Variants in SGSM3 observed in about 807,000 individuals in gnomAD.
SGSM3 encodes small G protein signaling modulator 3.
In SGSM3, 96 loss-of-function variants were observed where a neutral mutation model predicts 100.5. That is an observed-to-expected ratio of 0.96 (90% CI 0.81 to 1.13). The LOEUF is 1.13. Among genes scored for constraint, SGSM3 ranks in the 50% most tolerant of loss-of-function variants. The pLI, the probability that SGSM3 is intolerant of heterozygous loss-of-function variation, is 0.00. For missense variants in SGSM3, 1,001 were observed against 1,015.8 expected, an observed-to-expected ratio of 0.99 and a Z score of 0.20; for synonymous variants, 483 against 422.8, an observed-to-expected ratio of 1.14 and a Z score of -1.75.
intron 1 of SGSM3, among the ~76,000 whole-genome samples, chr22:40,373,856 C>T (rs530435941): frequency 4.6e-5 from 7 of 152,256 alleles, no homozygotes; most frequent in South Asian, 2.1e-4. Flanking sequence ...CCTCGTGATC[C>T]GCCCTCCTAG....
chr22:40,402,434 A>T lies in SGSM3; in HGVS notation c.157+229A>T, dbSNP rs141042926. 7.2e-5 allele frequency among the ~76,000 whole-genome samples: 11 copies of T among 152,238 alleles called. No individual in the cohort carries two copies. In the East Asian group the frequency reaches 2.1e-3, roughly 29 times the overall value. On this transcript the variant is annotated intron_variant, in intron 4 of 21. Coordinates refer to ENST00000248929, the MANE Select transcript of SGSM3 (RefSeq NM_015705.6). ...CCTGACAGTAAAAGCAATCGTGTTC[A>T]CTGTAGAGAAGTTGAAAAATTCAGG... is the stretch of plus-strand genomic sequence containing the variant.
Position 40,407,839 on chromosome 22 carries a change from G to T in SGSM3, c.1575G>T (p.Leu525=). 2.5e-6 allele frequency: 4 copies of T among 1,611,932 alleles called. No individual in the cohort carries two copies. The highest frequency in any genetic ancestry group is 3.4e-6 in the Non-Finnish European group (4 of 1,178,928). The change falls in exon 14 of 22, where the codon CTG becomes CTT. Residue 525 remains leucine, a synonymous_variant. Coordinates refer to ENST00000248929, the MANE Select transcript of SGSM3 (RefSeq NM_015705.6). This position sits in a 1 kb window ranked among gnomAD's most constrained non-coding sequence, Gnocchi z 4.7. ...GCTGGGTGGGGGAGCTCAACGGCCT[G>T]CGAGGTGGGGTCCTTGGTCTGCTCT... The part of the protein sequence containing the change: ...EHCWVGELNG[L]RGWFPAKFVE...
intron 1 of SGSM3, among the ~76,000 whole-genome samples, chr22:40,384,064 G>C (rs970943576): frequency 6.6e-6 from 1 of 152,088 alleles, no homozygotes; most frequent in Non-Finnish European, 1.5e-5. Flanking sequence ...TCCTGGGCAA[G>C]ATAGTAGGAC....
intron 1 of SGSM3, among the ~76,000 whole-genome samples, chr22:40,390,744 G>C (rs1055914576): frequency 1.3e-5 from 2 of 152,216 alleles, no homozygotes; most frequent in Non-Finnish European, 2.9e-5. Context: ...TAAAGGCAGA[G>C]AGAGTATCAA....
chr22:40,372,475 G>C (rs2045776711), intron 1 of SGSM3, among the ~76,000 whole-genome samples: 1 of 152,156 alleles, frequency 6.6e-6, no homozygotes, highest in Non-Finnish European at 1.5e-5. Flanking sequence ...AGGGGAGAGG[G>C]TGAGGTGTCT....
At chr22:40,405,928 C>G in intron 8 of SGSM3, 84 bp downstream of exon 8, 1 of 1,490,664 alleles carries the variant, frequency 6.7e-7, no homozygotes. Context: ...GGCACAGCCC[C>G]CCAACCATGG....
At chr22:40,406,752 C>A in intron 10 of SGSM3, 90 bp downstream of exon 10, 1 of 1,136,712 alleles carries the variant, frequency 8.8e-7, no homozygotes. Context: ...CTGCGGAAAA[C>A]AAACCAGCCC....
chr22:40,407,521 C>T lies in SGSM3; in HGVS notation c.1477C>T (p.Arg493Trp), dbSNP rs756008468. ...RRAKALLDFE[R>W]HDDDELGFRK... ...AGCCAAGGCCCTGCTGGACTTTGAG[C>T]GGCACGACGACGACGAGCTGGGCTT... Residue 493 changes from arginine to tryptophan, a missense_variant, in exon 13 of 22, where the codon CGG (arginine) becomes TGG (tryptophan). Transcript: ENST00000248929. The surrounding 1 kb of genome is among the most constrained non-coding windows in gnomAD (Gnocchi z 4.7). 3.1e-6 allele frequency: 5 copies of T among 1,608,286 alleles called. No homozygotes were observed. Among genetic ancestry groups the T allele is most frequent in the African/African-American group, 1.3e-5 (1 of 74,936 alleles).
rs763015456 is a variant in SGSM3 at position 40,408,082 on chromosome 22, G to C, written c.1591G>C (p.Ala531Pro). The change falls in exon 15 of 22, where the codon GCC (alanine) becomes CCC (proline). Residue 531 changes from alanine to proline, a missense_variant. Transcript: ENST00000248929. ...ELNGLRGWFP[A>P]KFVEVLDERS... ...TGTTTTTCCCACAGGCTGGTTTCCAGCCAAGTTCGTGGAAGTCCTGGATGA... is the reference window on the plus strand; with the variant it reads ...TGTTTTTCCCACAGGCTGGTTTCCACCCAAGTTCGTGGAAGTCCTGGATGA... 6.2e-7 allele frequency: 1 copy of C among 1,612,176 alleles called. No homozygotes were observed. The highest frequency in any genetic ancestry group is 8.5e-7 in the Non-Finnish European group (1 of 1,179,392).
In SGSM3 at chr22:40,370,628, G is replaced by A. The variant is rs187950523; in HGVS notation, c.-172G>A. On this transcript the variant is annotated 5_prime_UTR_variant, in exon 1 of 22. Coordinates refer to ENST00000248929, the MANE Select transcript of SGSM3 (RefSeq NM_015705.6). ...CTTAGGCGCCGCTGAGCGCTGACTG[G>A]GTGCGAGTGGGGAAGCTGCTAACCC... 20 of 152,618 alleles carry A rather than the reference G, an allele frequency of 1.3e-4. No individual in the cohort carries two copies. Among genetic ancestry groups the A allele is most frequent in the Admixed American group, 4.6e-4 (7 of 15,312 alleles). The allele number at this position is 152,618 out of a possible 1,614,324, so 9.5% of individuals were successfully genotyped here. A position where few individuals can be genotyped will look rare whatever the true frequency, so the allele number is the denominator to read the frequency against.
intron 1 of SGSM3, among the ~76,000 whole-genome samples, chr22:40,380,506 A>G (rs1166513747): frequency 6.6e-6 from 1 of 151,956 alleles, no homozygotes; most frequent in Non-Finnish European, 1.5e-5. Context: ...AGTTGGGATT[A>G]GAGGCATGCC....
At chr22:40,382,858 G>A (rs1002493024) in intron 1 of SGSM3, among the ~76,000 whole-genome samples, 6 of 152,184 alleles carry the variant, frequency 3.9e-5, no homozygotes, top group Non-Finnish European at 8.8e-5. Flanking sequence ...TTACTGATAG[G>A]GAAGCTGAGG....
Position 40,408,930 on chromosome 22 carries a change from C to T in SGSM3, c.1903-3C>T, listed in dbSNP as rs759764895. ...GAGTGACAGCTGACGGTGCCGTTCC[C>T]AGGCTGTGCAGTCTGTGAACGTGAC... is the stretch of plus-strand genomic sequence containing the variant. On this transcript the variant is annotated splice_polypyrimidine_tract_variant and splice_region_variant and intron_variant, in intron 18 of 21. Coordinates refer to ENST00000248929, the MANE Select transcript of SGSM3 (RefSeq NM_015705.6). The T allele has an allele frequency of 6.2e-7, 1 of 1,612,738 alleles. No homozygotes were observed. Among genetic ancestry groups the T allele is most frequent in the East Asian group, 2.2e-5 (1 of 44,842 alleles).
Position 40,400,679 on chromosome 22 carries a change from C to T in SGSM3, c.-111-17C>T, listed in dbSNP as rs764724519. On this transcript the variant is annotated splice_polypyrimidine_tract_variant and intron_variant, in intron 1 of 21. Transcript: ENST00000248929. ...AAAATAAAAATAGAATGACTTTCCTCTTTTCTCTTCTAACAGGGCAGATGA... is the reference window on the plus strand; with the variant it reads ...AAAATAAAAATAGAATGACTTTCCTTTTTTCTCTTCTAACAGGGCAGATGA... The T allele has an allele frequency of 1.8e-5, 17 of 922,792 alleles. No individual in the cohort carries two copies. Among genetic ancestry groups the T allele is most frequent in the Non-Finnish European group, 2.8e-5 (17 of 601,148 alleles). 57.2% of individuals were successfully genotyped at this position (922,792 alleles called of 1,614,324 possible). A position where few individuals can be genotyped will look rare whatever the true frequency, so the allele number is the denominator to read the frequency against.
chr22:40,397,124 C>G (rs2050147916), intron 1 of SGSM3, among the ~76,000 whole-genome samples: 1 of 152,180 alleles, frequency 6.6e-6, no homozygotes, highest in Non-Finnish European at 1.5e-5. Flanking sequence ...CGACCAGAGG[C>G]AGGAAAAACC....
chr22:40,398,036 C>G lies in SGSM3; in HGVS notation c.-111-2660C>G, dbSNP rs2050269336. Among the ~76,000 whole-genome samples, 2 of 141,292 alleles carry G rather than the reference C, an allele frequency of 1.4e-5. 1 individual carries two copies. Among genetic ancestry groups the G allele is most frequent in the South Asian group, 4.5e-4 (2 of 4,422 alleles). The allele number at this position is 141,292 out of a possible 152,430, so 92.7% of individuals were successfully genotyped here. On this transcript the variant is annotated intron_variant, in intron 1 of 21. Transcript: ENST00000248929. ...AGGCTGGAATGCAGTGGCGCCATCTCAACTCACTGCAACCTCTGCCTCCTG... is the reference window on the plus strand; with the variant it reads ...AGGCTGGAATGCAGTGGCGCCATCTGAACTCACTGCAACCTCTGCCTCCTG...
chr22:40,407,337 C>T lies in SGSM3; in HGVS notation c.1368+9C>T. ...CCAAAAACTGCAGCGTGGTGAGTCGCCAGCTCCCTGGGCTGCTACCAAACA... is the reference window on the plus strand; with the variant it reads ...CCAAAAACTGCAGCGTGGTGAGTCGTCAGCTCCCTGGGCTGCTACCAAACA... On this transcript the variant is annotated intron_variant, in intron 12 of 21. Transcript: ENST00000248929. The surrounding 1 kb of genome is among the most constrained non-coding windows in gnomAD (Gnocchi z 4.7). 6.2e-7 allele frequency: 1 copy of T among 1,613,418 alleles called. No individual in the cohort carries two copies. The highest frequency in any genetic ancestry group is 8.5e-7 in the Non-Finnish European group (1 of 1,179,934).
chr22:40,377,903 A>T (rs1054909491), intron 1 of SGSM3, among the ~76,000 whole-genome samples: 4 of 152,048 alleles, frequency 2.6e-5, no homozygotes, highest in African/African-American at 9.7e-5. Flanking sequence ...AGAGGAGAGA[A>T]ATCTTGGAGA....
chr22:40,400,222 T>G (rs1162869475), intron 1 of SGSM3, among the ~76,000 whole-genome samples: 1 of 152,182 alleles, frequency 6.6e-6, no homozygotes, highest in Non-Finnish European at 1.5e-5. Flanking sequence ...CAGTGCCAGG[T>G]TTAGGTAAAT....
Sources: gnomAD v4.1 joint callset for allele counts (sites outside exome capture counted in the v4.1 genomes callset) on GRCh38, gnomAD v4.1.1 for gene constraint, Gnocchi (gnomAD v3.1) non-coding constraint, MANE v1.5 for transcripts, NCBI Gene and HGNC (gene_info 2026-07-23, HGNC 2026-07-21) for gene names.